The following KMO variants were observed in gnomAD, a reference collection of about 807,000 sequenced individuals.
KMO encodes the protein kynurenine 3-monooxygenase.
In KMO, 24 loss-of-function variants were observed where a neutral mutation model predicts 57.8. That is an observed-to-expected ratio of 0.42 (90% CI 0.30 to 0.58). The LOEUF (loss-of-function observed/expected upper bound fraction) is 0.58. KMO is among the 20% of genes least tolerant of loss of function. The pLI, the probability that KMO is intolerant of heterozygous loss-of-function variation, is 0.22. For synonymous variants in KMO, 210 were observed against 193.6 expected, an observed-to-expected ratio of 1.08 and a Z score of -0.70; for missense variants, 483 against 588.2, an observed-to-expected ratio of 0.82 and a Z score of 1.85.
At chr1:241,580,043 T>C (rs1170720264) in intron 10 of KMO, among the ~76,000 whole-genome samples, 1 of 152,182 alleles carries the variant, frequency 6.6e-6, no homozygotes, top group African/African-American at 2.4e-5. Context: ...CCTTCCCCCA[T>C]GGACTGGATT....
chr1:241,590,174 C>T (rs973033984), intron 13 of KMO, 30 bp from the exon 14 acceptor site: 1 of 1,610,152 alleles, frequency 6.2e-7, no homozygotes, highest in East Asian at 2.2e-5. Flanking sequence ...TTAAAGAATA[C>T]ACAAGAATAC....
At chr1:241,578,313 T>C (rs1662608176) in intron 10 of KMO, among the ~76,000 whole-genome samples, 1 of 152,138 alleles carries the variant, frequency 6.6e-6, no homozygotes, top group Non-Finnish European at 1.5e-5. Flanking sequence ...CAAACATGAC[T>C]CTGATGAAAT....
intron 5 of KMO, among the ~76,000 whole-genome samples, chr1:241,558,850 C>T (rs1015916323): frequency 6.6e-6 from 1 of 151,370 alleles, no homozygotes; most frequent in Non-Finnish European, 1.5e-5. Flanking sequence ...CAGTGGCTCA[C>T]ACCTGTAATC....
chr1:241,561,889 C>T (rs1222221235), intron 6 of KMO, among the ~76,000 whole-genome samples: 1 of 152,180 alleles, frequency 6.6e-6, no homozygotes, highest in Non-Finnish European at 1.5e-5. Context: ...CAAGATTCTC[C>T]TCCTTCATGC....
intron 5 of KMO, among the ~76,000 whole-genome samples, chr1:241,558,879 G>A (rs544354228): frequency 6.6e-6 from 1 of 152,012 alleles, no homozygotes; most frequent in East Asian, 1.9e-4. Flanking sequence ...TTGGGAGGCC[G>A]AAGGGGGTGG....
chr1:241,576,841 T>G (rs1489155943), intron 10 of KMO, among the ~76,000 whole-genome samples: 1 of 152,180 alleles, frequency 6.6e-6, no homozygotes, highest in Non-Finnish European at 1.5e-5. Flanking sequence ...TCCAAACTTT[T>G]TACTTTCTTT....
intron 6 of KMO, among the ~76,000 whole-genome samples, chr1:241,561,622 T>C (rs3753214): frequency 0.065 from 9,875 of 152,310 alleles, 424 homozygotes; most frequent in East Asian, 0.19. Flanking sequence ...CCAAGGAAGT[T>C]TTCTTAAATT....
intron 1 of KMO, among the ~76,000 whole-genome samples, chr1:241,540,367 CAT>C (rs546921262): frequency 3.3e-5 from 5 of 151,270 alleles, no homozygotes; most frequent in Non-Finnish European, 4.4e-5. Flanking sequence ...CATCTATATA[CAT>C]ATATATATAT....
At chr1:241,572,485 G>A (rs1472404282) in intron 10 of KMO, among the ~76,000 whole-genome samples, 1 of 151,672 alleles carries the variant, frequency 6.6e-6, no homozygotes, top group Non-Finnish European at 1.5e-5. Context: ...TCTAGCTAAA[G>A]GTTTGTTGAT....
intron 1 of KMO, among the ~76,000 whole-genome samples, chr1:241,542,001 A>T (rs1660976213): frequency 6.6e-6 from 1 of 152,230 alleles, no homozygotes; most frequent in African/African-American, 2.4e-5. Context: ...GCACTATCAG[A>T]TTAATTTCAA....
chr1:241,594,773 C>T lies in KMO; in HGVS notation c.*2620C>T, dbSNP rs1663448621. 3.3e-6 allele frequency: 5 copies of T among 1,509,478 alleles called. No individual in the cohort carries two copies. In the Admixed American group the frequency reaches 8.0e-5, roughly 24 times the overall value. The allele number at this position is 1,509,478 out of a possible 1,614,324, so 93.5% of individuals were successfully genotyped here. ...TTAACATTCGAGGAAATCAGTTGAG[C>T]TGAATTTAAGTTGTTTTTTGTTTGT... On this transcript the variant is annotated 3_prime_UTR_variant, in exon 15 of 15. Transcript: ENST00000366559.
At chr1:241,538,109 G>A (rs75172809) in intron 1 of KMO, among the ~76,000 whole-genome samples, 2,892 of 152,216 alleles carry the variant, frequency 0.019, 76 homozygotes, top group African/African-American at 0.059. Flanking sequence ...AAATGAATAG[G>A]TGGTCTGAGC....
intron 1 of KMO, among the ~76,000 whole-genome samples, chr1:241,548,398 T>C (rs1661234193): frequency 6.6e-6 from 1 of 152,162 alleles, no homozygotes; most frequent in Non-Finnish European, 1.5e-5. Flanking sequence ...TACGTCTATG[T>C]GAGAGGAAGA....
At chr1:241,542,469 C>T (rs1025523325) in intron 1 of KMO, among the ~76,000 whole-genome samples, 2 of 152,204 alleles carry the variant, frequency 1.3e-5, no homozygotes, top group African/African-American at 4.8e-5. Context: ...TACACACAAA[C>T]AGGTTAGACT....
chr1:241,575,600 T>G (rs911403730), intron 10 of KMO, among the ~76,000 whole-genome samples: 1 of 152,062 alleles, frequency 6.6e-6, no homozygotes, highest in Non-Finnish European at 1.5e-5. Flanking sequence ...GGAATTAATC[T>G]TGAGTTTAAT....
chr1:241,576,056 T>C (rs1465719989), intron 10 of KMO, among the ~76,000 whole-genome samples: 1 of 151,664 alleles, frequency 6.6e-6, no homozygotes, highest in Non-Finnish European at 1.5e-5. Flanking sequence ...TTTTAAAGTC[T>C]GTTTTATCTG....
At chr1:241,546,372 C>A (rs1054365053) in intron 1 of KMO, among the ~76,000 whole-genome samples, 1 of 152,156 alleles carries the variant, frequency 6.6e-6, no homozygotes. Flanking sequence ...CATCTCTCTG[C>A]GTCTCCTTTT....
intron 1 of KMO, among the ~76,000 whole-genome samples, chr1:241,539,008 A>G (rs1429780168): frequency 1.3e-5 from 2 of 152,220 alleles, no homozygotes; most frequent in East Asian, 3.9e-4. Flanking sequence ...GAGCACCCTC[A>G]TACACTGTTG....
At chr1:241,534,640 C>T (rs1445163031) in intron 1 of KMO, among the ~76,000 whole-genome samples, 1 of 152,222 alleles carries the variant, frequency 6.6e-6, no homozygotes, top group African/African-American at 2.4e-5. Context: ...TAAATTCTAG[C>T]CATTACAACC....
Sources: allele counts gnomAD v4.1 joint callset (sites outside exome capture counted in the v4.1 genomes callset), GRCh38; gene constraint gnomAD v4.1.1; transcripts MANE v1.5; gene names NCBI Gene and HGNC (gene_info 2026-07-23, HGNC 2026-07-21).